The following RANBP17 variants were observed in gnomAD, a reference collection of about 807,000 sequenced individuals.
RANBP17 encodes the protein RAN binding protein 17.
RANBP17 carries 158 observed loss-of-function variants against 141.2 expected under a neutral mutation model. That is an observed-to-expected ratio of 1.12 (90% CI 0.98 to 1.28). The LOEUF is 1.28. Among genes scored for constraint, RANBP17 ranks in the 50% most tolerant of loss-of-function variants. The pLI is 0.00. For missense variants in RANBP17, 1,438 were observed against 1,290.7 expected (o/e 1.11, Z -1.75); for synonymous variants, 430 against 450.0 (o/e 0.96, Z 0.56).
At chr5:171,130,871 A>G (rs1183913887) in intron 14 of RANBP17, among the ~76,000 whole-genome samples, 2 of 152,176 alleles carry the variant, frequency 1.3e-5, no homozygotes, top group African/African-American at 4.8e-5. Context: ...CCTTCTAGCT[A>G]CTTTTGGTGA....
At chr5:170,868,018 A>T (rs1235789322) in intron 1 of RANBP17, among the ~76,000 whole-genome samples, 2 of 152,162 alleles carry the variant, frequency 1.3e-5, no homozygotes, top group Non-Finnish European at 2.9e-5. Context: ...TGATAGTTGC[A>T]TGCATGACTA....
chr5:171,008,664 G>T (rs1160974719), intron 14 of RANBP17, among the ~76,000 whole-genome samples: 1 of 152,156 alleles, frequency 6.6e-6, no homozygotes, highest in African/African-American at 2.4e-5. Flanking sequence ...CTTAAGGGTG[G>T]GGAAGATTAC....
At chr5:170,954,869 G>A (rs1047997744) in intron 13 of RANBP17, among the ~76,000 whole-genome samples, 11 of 151,976 alleles carry the variant, frequency 7.2e-5, no homozygotes, top group Middle Eastern at 3.2e-3. Context: ...CTGAACCAAG[G>A]GTCCCCAACC....
intron 12 of RANBP17, among the ~76,000 whole-genome samples, chr5:170,929,616 T>C (rs1486332070): frequency 6.6e-6 from 1 of 152,176 alleles, no homozygotes; most frequent in South Asian, 2.1e-4. Flanking sequence ...AAATTCAATT[T>C]GCAACACTTT....
intron 14 of RANBP17, among the ~76,000 whole-genome samples, chr5:170,994,535 A>G (rs1778700877): frequency 1.3e-5 from 2 of 152,174 alleles, no homozygotes; most frequent in South Asian, 4.1e-4. Flanking sequence ...GAGTAACTAG[A>G]TAATTGGTGT....
intron 14 of RANBP17, among the ~76,000 whole-genome samples, chr5:171,048,599 G>A (rs1782747879): frequency 1.3e-5 from 2 of 151,960 alleles, no homozygotes; most frequent in Admixed American, 6.6e-5. Flanking sequence ...CATAGTACTC[G>A]ATAGGTAGTC....
At chr5:170,977,659 C>T (rs183354701) in intron 14 of RANBP17, among the ~76,000 whole-genome samples, 1 of 152,050 alleles carries the variant, frequency 6.6e-6, no homozygotes, top group African/African-American at 2.4e-5. Context: ...GTTATTCAGC[C>T]ATAAAAAGGA....
chr5:170,960,958 A>T (rs886206188), intron 13 of RANBP17, among the ~76,000 whole-genome samples: 1 of 152,126 alleles, frequency 6.6e-6, no homozygotes, highest in Non-Finnish European at 1.5e-5. Context: ...GTTGGCCAGG[A>T]TGATCTCAAA....
At chr5:171,149,404 A>T (rs1378688918) in intron 14 of RANBP17, among the ~76,000 whole-genome samples, 1 of 152,168 alleles carries the variant, frequency 6.6e-6, no homozygotes, top group East Asian at 1.9e-4. Context: ...CATGACTGTT[A>T]ATTTTATTCT....
intron 12 of RANBP17, among the ~76,000 whole-genome samples, chr5:170,929,976 A>G (rs997728930): frequency 6.6e-6 from 1 of 152,206 alleles, no homozygotes; most frequent in Non-Finnish European, 1.5e-5. Context: ...GAATAAAACT[A>G]TTCTTAATAT....
intron 14 of RANBP17, among the ~76,000 whole-genome samples, chr5:171,074,412 T>C (rs1366962161): frequency 6.6e-6 from 1 of 152,028 alleles, no homozygotes; most frequent in Non-Finnish European, 1.5e-5. Flanking sequence ...GATCTTAGAA[T>C]CAAAAAAAGA....
intron 25 of RANBP17, among the ~76,000 whole-genome samples, chr5:171,290,670 A>T (rs958989785): frequency 1.3e-5 from 2 of 152,230 alleles, no homozygotes. Context: ...TGCTTTCTGA[A>T]CTGTTTCCTA....
At chr5:171,236,776 T>C (rs1231643150) in intron 22 of RANBP17, among the ~76,000 whole-genome samples, 10 of 152,200 alleles carry the variant, frequency 6.6e-5, no homozygotes, top group Admixed American at 5.2e-4. Flanking sequence ...CCTCATTTTG[T>C]AGATGAGGAA....
intron 25 of RANBP17, among the ~76,000 whole-genome samples, chr5:171,271,982 CATAT>C (rs1173666074): frequency 3.3e-5 from 5 of 152,126 alleles, no homozygotes; most frequent in Non-Finnish European, 7.4e-5. Context: ...AAATGTGGTA[CATAT>C]ATACACCATG....
Position 171,265,808 on chromosome 5 carries a change from A to G in RANBP17, c.2904A>G (p.Leu968=), listed in dbSNP as rs766741080. 3.1e-6 allele frequency: 5 copies of G among 1,613,850 alleles called. No homozygotes were observed. The highest frequency in any genetic ancestry group is 1.7e-5 in the Admixed American group (1 of 59,968). Residue 968 remains leucine, a synonymous_variant, in exon 25 of 28, where the codon CTA becomes CTG. Coordinates refer to ENST00000523189, the MANE Select transcript of RANBP17 (RefSeq NM_022897.5). ...CREATQAGQR[L]LHFMQQNPDV... ...AGGCTACCCAGGCTGGTCAGAGACT[A>G]TTACATTTTATGCAGCAAAACCCAG...
chr5:171,019,740 G>T (rs1008559958), intron 14 of RANBP17, among the ~76,000 whole-genome samples: 1 of 148,830 alleles, frequency 6.7e-6, no homozygotes, highest in Admixed American at 6.7e-5. Flanking sequence ...TTTTGGAGGG[G>T]TTTCCATGTC....
chr5:171,260,081 C>T (rs1009681230), intron 24 of RANBP17, among the ~76,000 whole-genome samples: 1 of 151,852 alleles, frequency 6.6e-6, no homozygotes, highest in Non-Finnish European at 1.5e-5. Flanking sequence ...GGGCAGATCA[C>T]TTGAGGTCAG....
At chr5:171,245,600 C>T (rs1404827997) in intron 24 of RANBP17, among the ~76,000 whole-genome samples, 1 of 152,172 alleles carries the variant, frequency 6.6e-6, no homozygotes, top group Non-Finnish European at 1.5e-5. Context: ...AGGCATGAGC[C>T]ACTGCACCCA....
intron 18 of RANBP17, among the ~76,000 whole-genome samples, chr5:171,188,332 T>G (rs1761405753): frequency 6.6e-6 from 1 of 152,224 alleles, no homozygotes; most frequent in Non-Finnish European, 1.5e-5. Context: ...TCCTGGCCTA[T>G]TTTACCTCTT....
Sources: allele counts gnomAD v4.1 joint callset (sites outside exome capture counted in the v4.1 genomes callset), GRCh38; gene constraint gnomAD v4.1.1; transcripts MANE v1.5; gene names NCBI Gene and HGNC (gene_info 2026-07-23, HGNC 2026-07-21).